CCDC91: variants seen among roughly 807,000 people sequenced by gnomAD.
CCDC91 encodes the protein coiled-coil domain-containing protein 91.
In CCDC91, 48 loss-of-function variants were observed where a neutral mutation model predicts 63.2. The ratio of observed to expected loss-of-function variants is 0.76; its 90% CI spans 0.60 to 0.97. The LOEUF (loss-of-function observed/expected upper bound fraction) is 0.97. Ranked by LOEUF, CCDC91 falls within the 50% of genes least tolerant of loss-of-function variation. The pLI is 0.00. For missense variants in CCDC91, 500 were observed against 494.6 expected, an observed-to-expected ratio of 1.01 and a Z score of -0.10; for synonymous variants, 167 against 165.8, an observed-to-expected ratio of 1.01 and a Z score of -0.06.
At chr12:28,266,094 A>G (rs1269128710) in intron 3 of CCDC91, among the ~76,000 whole-genome samples, 2 of 152,032 alleles carry the variant, frequency 1.3e-5, no homozygotes, top group Non-Finnish European at 2.9e-5. Flanking sequence ...GACGCCTAAA[A>G]TGATAGCTTC....
At chr12:28,259,268 T>A in intron 2 of CCDC91, 96 bp from the exon 3 acceptor site, 1 of 851,552 alleles carries the variant, frequency 1.2e-6, no homozygotes, top group Non-Finnish European at 2.0e-6. Context: ...TCTGGTGTGT[T>A]ATAGAAGATA....
chr12:28,302,265 G>T (rs1398154356), intron 3 of CCDC91, among the ~76,000 whole-genome samples: 1 of 151,666 alleles, frequency 6.6e-6, no homozygotes, highest in African/African-American at 2.4e-5. Flanking sequence ...ATTGTGCTTG[G>T]GTGAATAATG....
intron 12 of CCDC91, among the ~76,000 whole-genome samples, chr12:28,506,389 T>C (rs1938719354): frequency 6.6e-6 from 1 of 151,976 alleles, no homozygotes; most frequent in Admixed American, 6.6e-5. Context: ...ACTGACTATG[T>C]AAATTCCAAG....
intron 1 of CCDC91, among the ~76,000 whole-genome samples, chr12:28,209,963 A>C (rs965372733): frequency 1.3e-5 from 2 of 152,108 alleles, no homozygotes; most frequent in African/African-American, 4.8e-5. Context: ...TTGGTGCATA[A>C]ATTTCTTTTC....
chr12:28,213,313 C>T lies in CCDC91; in HGVS notation c.-15+22672C>T, dbSNP rs1336859474. 4.6e-5 allele frequency among the ~76,000 whole-genome samples: 7 copies of T among 152,156 alleles called. No individual in the cohort carries two copies. In the South Asian group the frequency reaches 6.2e-4, roughly 14 times the overall value. The stretch of plus-strand genomic sequence containing the variant: ...TAACTACACTCAAGTCTTAGTAGGC[C>T]CCTAAAGATGAGGCACAAAGTGTGA... On this transcript the variant is annotated intron_variant, in intron 1 of 12. Coordinates refer to ENST00000536442, the MANE Select transcript of CCDC91 (RefSeq NM_018318.5).
chr12:28,283,223 T>C (rs984318018), intron 3 of CCDC91, among the ~76,000 whole-genome samples: 1 of 151,706 alleles, frequency 6.6e-6, no homozygotes, highest in African/African-American at 2.4e-5. Flanking sequence ...TTTAGGATTT[T>C]TTTTTTTTTT....
At chr12:28,521,814 G>T (rs1052098803) in intron 12 of CCDC91, among the ~76,000 whole-genome samples, 2 of 152,104 alleles carry the variant, frequency 1.3e-5, no homozygotes, top group Non-Finnish European at 2.9e-5. Context: ...GGCCTTTTCT[G>T]CATCTATTGA....
rs1446839304 is a variant in CCDC91, at chr12:28,290,238, C to T, written c.110-15411C>T. On this transcript the variant is annotated intron_variant, in intron 3 of 12. Coordinates refer to ENST00000536442, the MANE Select transcript of CCDC91 (RefSeq NM_018318.5). ...TAAGATAGATCTTATTGAATTGAGCCCTTTGCTATTATATAATGCTCTTAC... is the reference window on the plus strand; with the variant it reads ...TAAGATAGATCTTATTGAATTGAGCTCTTTGCTATTATATAATGCTCTTAC... Among the ~76,000 whole-genome samples, 13 of 151,930 alleles carry T rather than the reference C, an allele frequency of 8.6e-5. No homozygotes were observed. The East Asian group carries it at 2.5e-3, about 29-fold the overall frequency.
At chr12:28,510,237 A>ATGTGTGTGTGTGTGTGTGTGTGTG (rs60548491) in intron 12 of CCDC91, among the ~76,000 whole-genome samples, 1 of 149,026 alleles carries the variant, frequency 6.7e-6, no homozygotes, top group African/African-American at 2.5e-5. Flanking sequence ...TCAATAGGGC[A>ATGTGTGTGTGTGTGTGTGTGTGTG]TGTGTGTGTG....
At chr12:28,458,275 C>G (rs1242056919) in intron 11 of CCDC91, among the ~76,000 whole-genome samples, 1 of 151,502 alleles carries the variant, frequency 6.6e-6, no homozygotes, top group Admixed American at 6.6e-5. Flanking sequence ...TTTAAATTAT[C>G]AAATGTATCA....
intron 3 of CCDC91, among the ~76,000 whole-genome samples, chr12:28,280,814 T>G (rs1948558084): frequency 8.4e-6 from 1 of 118,402 alleles, no homozygotes. Flanking sequence ...CCGCGTTTCT[T>G]TAAAAAAAAA....
At position 28,370,418 on chromosome 12, in the gene CCDC91, T is replaced by G. The variant is rs535904745; in HGVS notation, c.654+7903T>G. 5.3e-5 allele frequency among the ~76,000 whole-genome samples: 8 copies of G among 152,244 alleles called. No homozygotes were observed. In the South Asian group the frequency reaches 1.7e-3, roughly 32 times the overall value. On this transcript the variant is annotated intron_variant, in intron 7 of 12. Coordinates refer to ENST00000536442, the MANE Select transcript of CCDC91 (RefSeq NM_018318.5). ...GACATTTGCTCCAGATCCCAATAGGTTTCTCATCCTCCTCTGAGACCACCT... is the reference window on the plus strand; with the variant it reads ...GACATTTGCTCCAGATCCCAATAGGGTTCTCATCCTCCTCTGAGACCACCT...
chr12:28,202,430 C>T (rs1942527070), intron 1 of CCDC91, among the ~76,000 whole-genome samples: 1 of 152,158 alleles, frequency 6.6e-6, no homozygotes, highest in Non-Finnish European at 1.5e-5. Flanking sequence ...CTTGTTGCTG[C>T]TCTTGTTATT....
intron 12 of CCDC91, 43 bp from the exon 13 acceptor site, chr12:28,549,020 A>AT (rs200769184): frequency 1.6e-3 from 2,122 of 1,289,380 alleles, no homozygotes; most frequent in Non-Finnish European, 2.0e-3. Flanking sequence ...TCAACTCAGT[A>AT]TTTTTTTTTC....
intron 3 of CCDC91, among the ~76,000 whole-genome samples, chr12:28,260,959 T>C (rs1201248550): frequency 1.3e-5 from 2 of 152,036 alleles, no homozygotes; most frequent in Non-Finnish European, 1.5e-5. Context: ...AAAATGGTTT[T>C]AAAAAGTTTT....
intron 1 of CCDC91, among the ~76,000 whole-genome samples, chr12:28,218,823 G>T (rs572451889): frequency 1.8e-4 from 28 of 151,702 alleles, no homozygotes; most frequent in Non-Finnish European, 3.5e-4. Context: ...AGGTTTGTTC[G>T]TTGTAATTGC....
intron 12 of CCDC91, among the ~76,000 whole-genome samples, chr12:28,525,114 T>C (rs1227181460): frequency 6.6e-6 from 1 of 152,116 alleles, no homozygotes; most frequent in Non-Finnish European, 1.5e-5. Flanking sequence ...TCTGCTCACA[T>C]TTCGGTTATT....
chr12:28,311,331 C>T (rs561098764), intron 6 of CCDC91, among the ~76,000 whole-genome samples: 1 of 152,114 alleles, frequency 6.6e-6, no homozygotes, highest in South Asian at 2.1e-4. Context: ...AAAGTTCTGG[C>T]TTCCCACTCA....
chr12:28,323,546 G>A (rs1940714376), intron 6 of CCDC91, among the ~76,000 whole-genome samples: 1 of 151,842 alleles, frequency 6.6e-6, no homozygotes, highest in South Asian at 2.1e-4. Flanking sequence ...CACATTTAGA[G>A]ATTTGATAGG....
Sources: allele counts gnomAD v4.1 joint callset (sites outside exome capture counted in the v4.1 genomes callset), GRCh38; gene constraint gnomAD v4.1.1; transcripts MANE v1.5; gene names NCBI Gene and HGNC (gene_info 2026-07-23, HGNC 2026-07-21).